Variants in RASSF3 observed in about 807,000 individuals in gnomAD.
RASSF3 encodes the protein Ras association domain family member 3, also known as ras association domain-containing protein 3.
Under a neutral mutation model 19.9 loss-of-function variants are expected in RASSF3, and 19 were observed. The ratio of observed to expected loss-of-function variants is 0.96; its 90% confidence interval spans 0.67 to 1.40. RASSF3 has a LOEUF of 1.40. Among genes scored for constraint, RASSF3 ranks in the 40% most tolerant of loss-of-function variants. The pLI, the probability that RASSF3 is intolerant of heterozygous loss-of-function variation, is 0.00. For missense variants in RASSF3, 306 were observed against 289.8 expected (o/e 1.06, Z -0.41); for synonymous variants, 110 against 104.2 (o/e 1.06, Z -0.34).
chr12:64,513,610 G>A (rs1868342028), intron 1 of RASSF3, among the ~76,000 whole-genome samples: 1 of 152,136 alleles, frequency 6.6e-6, no homozygotes, highest in African/African-American at 2.4e-5. Flanking sequence ...TGGAGACAGA[G>A]AGGCCTTGGG....
At position 64,576,770 on chromosome 12, in the gene RASSF3, C is replaced by G. The variant is rs147422985; in HGVS notation, c.294+35065C>G. Among the ~76,000 whole-genome samples, 267 of 149,390 alleles carry G rather than the reference C, an allele frequency of 1.8e-3. 1 individual carries two copies. Among genetic ancestry groups the G allele is most frequent in the African/African-American group, 6.4e-3 (259 of 40,384 alleles). On this transcript the variant is annotated intron_variant, in intron 2 of 5. Transcript: ENST00000637125. ...GGAGGCTGAGGTGGGATGGGAGCCT[C>G]AGCCTGGGAGGTTGAGGCTGTAGTG...
chr12:64,568,732 C>T (rs904332541), intron 2 of RASSF3, among the ~76,000 whole-genome samples: 2 of 150,026 alleles, frequency 1.3e-5, no homozygotes, highest in African/African-American at 5.0e-5. Flanking sequence ...TTTTTTGAGA[C>T]AGAGTCTCAC....
chr12:64,562,317 A>G (rs1343658704), intron 2 of RASSF3, among the ~76,000 whole-genome samples: 1 of 152,184 alleles, frequency 6.6e-6, no homozygotes, highest in East Asian at 1.9e-4. Context: ...CTGGGATTAC[A>G]GGTGTGAGGC....
intron 1 of RASSF3, chr12:64,622,704 G>C: frequency 4.0e-6 from 1 of 251,918 alleles, no homozygotes; most frequent in South Asian, 3.6e-5. Context: ...TTTTTATCAA[G>C]TGAATCTTTT....
chr12:64,610,535 C>T lies in RASSF3; in HGVS notation c.-98C>T, dbSNP rs1009540148. 6.6e-6 allele frequency: 3 copies of T among 451,220 alleles called. No individual in the cohort carries two copies. The highest frequency in any genetic ancestry group is 9.6e-5 in the Admixed American group (2 of 20,866). The allele number at this position is 451,220 out of a possible 1,614,324, so 28.0% of individuals were successfully genotyped here. ...GCAGCTGCATAAGGACTGCCCGGGGCTGCGCGCCGGGAACCTCGCGGGGCT... is the reference window on the plus strand; with the variant it reads ...GCAGCTGCATAAGGACTGCCCGGGGTTGCGCGCCGGGAACCTCGCGGGGCT... On this transcript the variant is annotated 5_prime_UTR_variant, in exon 1 of 5. Transcript: ENST00000542104.
intron 2 of RASSF3, among the ~76,000 whole-genome samples, chr12:64,556,694 C>T (rs955973215): frequency 6.6e-6 from 1 of 152,104 alleles, no homozygotes; most frequent in Non-Finnish European, 1.5e-5. Flanking sequence ...CACAGTTCAC[C>T]CCTGTATCCC....
rs1215737589 is a variant in RASSF3 at position 64,600,010 on chromosome 12, CGAGA to C, written c.294+58316_294+58319del. ...TCGCGCCACTGCACCCCAGCCTGGG[CGAGA>C]GAGAGAGAGACTCCATCTCAAAAAA... On this transcript the variant is annotated intron_variant, in intron 2 of 5. Coordinates refer to the RASSF3 transcript ENST00000637125. Among the ~76,000 whole-genome samples the C allele has an allele frequency of 1.8e-3, 209 of 113,184 alleles. 1 individual carries two copies. Among genetic ancestry groups the C allele is most frequent in the Admixed American group, 5.6e-3 (42 of 7,466 alleles). The allele number at this position is 113,184 out of a possible 152,430, so 74.3% of individuals were successfully genotyped here.
chr12:64,531,675 G>C (rs547176608), upstream of RASSF3, among the ~76,000 whole-genome samples: 2 of 152,240 alleles, frequency 1.3e-5, no homozygotes, highest in Non-Finnish European at 2.9e-5. Context: ...GCTATGTTTA[G>C]CCTGTAGCTT....
intron 2 of RASSF3, among the ~76,000 whole-genome samples, chr12:64,574,862 T>C (rs1052690512): frequency 3.3e-5 from 5 of 152,234 alleles, no homozygotes; most frequent in African/African-American, 1.2e-4. Context: ...GACATAAGTA[T>C]CTATTGTTAT....
chr12:64,544,600 A>G (rs1156707813), downstream of RASSF3, among the ~76,000 whole-genome samples: 4 of 150,052 alleles, frequency 2.7e-5, no homozygotes, highest in African/African-American at 9.7e-5. Flanking sequence ...CCTGGGCAAC[A>G]GAGTGAGACC....
chr12:64,512,340 G>T (rs534115264), intron 1 of RASSF3, among the ~76,000 whole-genome samples: 1 of 151,968 alleles, frequency 6.6e-6, no homozygotes, highest in Admixed American at 6.6e-5. Context: ...ATGATCAGCC[G>T]GGCACAGTGG....
intron 1 of RASSF3, among the ~76,000 whole-genome samples, chr12:64,510,142 T>C (rs1192317098): frequency 1.3e-5 from 2 of 152,116 alleles, no homozygotes; most frequent in South Asian, 2.1e-4. Flanking sequence ...ATAATGGGAT[T>C]ATTTAAATAT....
chr12:64,541,831 T>C, downstream of RASSF3: 2 of 395,154 alleles, frequency 5.1e-6, no homozygotes, highest in East Asian at 7.2e-5. Flanking sequence ...CTCAGGTTCA[T>C]TCATTGCCAT....
intron 2 of RASSF3, among the ~76,000 whole-genome samples, chr12:64,571,438 A>G (rs1273544594): frequency 6.6e-6 from 1 of 152,084 alleles, no homozygotes; most frequent in Non-Finnish European, 1.5e-5. Context: ...CAGTGAGCAC[A>G]ATCAGGAAGC....
At chr12:64,553,844 G>A (rs914346321) in intron 2 of RASSF3, among the ~76,000 whole-genome samples, 1 of 152,034 alleles carries the variant, frequency 6.6e-6, no homozygotes, top group African/African-American at 2.4e-5. Context: ...AGGCATGGTG[G>A]CATGTACTTG....
chr12:64,557,304 G>A (rs1215274833), intron 2 of RASSF3, among the ~76,000 whole-genome samples: 1 of 152,008 alleles, frequency 6.6e-6, no homozygotes, highest in Non-Finnish European at 1.5e-5. Context: ...AGTTACAGTG[G>A]GGCAAGGAAG....
At chr12:64,661,125 G>A (rs1383476159) in intron 1 of RASSF3, among the ~76,000 whole-genome samples, 1 of 152,176 alleles carries the variant, frequency 6.6e-6, no homozygotes, top group Non-Finnish European at 1.5e-5. Context: ...AATGGTAGCC[G>A]TAGCCGTGAG....
At chr12:64,525,472 C>T (rs749635919) in intron 1 of RASSF3, among the ~76,000 whole-genome samples, 1 of 152,002 alleles carries the variant, frequency 6.6e-6, no homozygotes, top group Admixed American at 6.6e-5. Flanking sequence ...CTTTTGTTTT[C>T]CCCCCATCTC....
intron 2 of RASSF3, among the ~76,000 whole-genome samples, chr12:64,604,968 TTTTTAATTTA>T (rs1299688595): frequency 9.9e-5 from 15 of 151,190 alleles, no homozygotes; most frequent in Admixed American, 9.9e-4. Flanking sequence ...ATATATTTTT[TTTTTAATTTA>T]TTTTATTTTA....
Sources: gnomAD v4.1 joint callset for allele counts (sites outside exome capture counted in the v4.1 genomes callset) on GRCh38, gnomAD v4.1.1 for gene constraint, MANE v1.5 for transcripts, NCBI Gene and HGNC (gene_info 2026-07-23, HGNC 2026-07-21) for gene names.